The following ZSWIM5 variants were observed in gnomAD, a reference collection of about 807,000 sequenced individuals.
The protein encoded by ZSWIM5 is zinc finger SWIM domain-containing protein 5.
In ZSWIM5, 55 loss-of-function variants were observed where a neutral mutation model predicts 119.6. The observed-to-expected ratio is 0.46, with a 90% CI of 0.37 to 0.58. The LOEUF is 0.58. ZSWIM5 is among the 20% of genes least tolerant of loss of function. The pLI is 0.00. For synonymous variants in ZSWIM5, 537 were observed against 606.9 expected (o/e 0.88, Z 1.69); for missense variants, 1,193 against 1,512.8 (o/e 0.79, Z 3.51).
chr1:45,156,234 C>T (rs1415850231), intron 1 of ZSWIM5, among the ~76,000 whole-genome samples: 1 of 151,816 alleles, frequency 6.6e-6, no homozygotes, highest in Non-Finnish European at 1.5e-5. Context: ...GGGAACTAAA[C>T]ACTGGATACA....
chr1:45,181,174 T>A (rs565961809), intron 1 of ZSWIM5, among the ~76,000 whole-genome samples: 1 of 152,026 alleles, frequency 6.6e-6, no homozygotes, highest in Non-Finnish European at 1.5e-5. Context: ...GCAAAGAAGT[T>A]GAAAACCTTG....
rs760357379 is a variant in ZSWIM5, at chr1:45,019,309, C to T, written c.2703G>A (p.Arg901=). Residue 901 remains arginine, a synonymous_variant, in exon 14 of 14, where the codon CGG becomes CGA. Transcript: ENST00000359600. This position sits in a 1 kb window ranked among gnomAD's most constrained non-coding sequence, Gnocchi z 5.0. ...AGCTCTGCAAGATGCTCACCAGGGC[C>T]CGCACACCTGTCAGGGGGAGCCTGA... ...LVTCATEVGV[R]ALVSILQSWY... 1.9e-6 allele frequency: 3 copies of T among 1,608,958 alleles called. No individual in the cohort carries two copies. Among genetic ancestry groups the T allele is most frequent in the Non-Finnish European group, 1.7e-6 (2 of 1,178,724 alleles).
intron 1 of ZSWIM5, among the ~76,000 whole-genome samples, chr1:45,108,984 A>G (rs1645497903): frequency 6.6e-6 from 1 of 152,176 alleles, no homozygotes; most frequent in African/African-American, 2.4e-5. Context: ...TTATTTAAAG[A>G]TTTCATATCC....
intron 4 of ZSWIM5, among the ~76,000 whole-genome samples, chr1:45,053,809 A>C (rs2148998295): frequency 6.6e-6 from 1 of 150,528 alleles, no homozygotes; most frequent in African/African-American, 2.4e-5. Flanking sequence ...GAGCACAAGT[A>C]CTTTCACCTA....
At chr1:45,082,725 C>A (rs574413578) in intron 2 of ZSWIM5, among the ~76,000 whole-genome samples, 2 of 152,286 alleles carry the variant, frequency 1.3e-5, no homozygotes, top group South Asian at 4.1e-4. Flanking sequence ...CTGGGGAAGG[C>A]TGAGAATCAC....
chr1:45,084,857 G>A (rs896601212), intron 2 of ZSWIM5, among the ~76,000 whole-genome samples: 1 of 152,244 alleles, frequency 6.6e-6, no homozygotes, highest in Non-Finnish European at 1.5e-5. Context: ...TTTTCCAGGT[G>A]CACAGTATAA....
intron 1 of ZSWIM5, among the ~76,000 whole-genome samples, chr1:45,169,030 C>T (rs942364836): frequency 1.3e-5 from 2 of 152,116 alleles, no homozygotes; most frequent in Admixed American, 1.3e-4. Flanking sequence ...ATATACAAAA[C>T]TCTTGATAAT....
intron 5 of ZSWIM5, among the ~76,000 whole-genome samples, chr1:45,044,790 AAT>A (rs1202407220): frequency 0.034 from 23 of 680 alleles, 2 homozygotes; most frequent in African/African-American, 0.059. Context: ...TATATATATA[AAT>A]ATATATATAT....
intron 1 of ZSWIM5, among the ~76,000 whole-genome samples, chr1:45,104,174 AG>A (rs1645456022): frequency 6.6e-6 from 1 of 152,160 alleles, no homozygotes; most frequent in Non-Finnish European, 1.5e-5. Flanking sequence ...GCAGAAGTAA[AG>A]CAGCCACTCT....
intron 2 of ZSWIM5, among the ~76,000 whole-genome samples, chr1:45,066,160 G>C (rs1436883245): frequency 2.0e-5 from 3 of 151,494 alleles, no homozygotes; most frequent in African/African-American, 7.3e-5. Context: ...ATGGTTTCCA[G>C]TTTCATCCAT....
rs764443028 is a variant in ZSWIM5, at chr1:45,080,572, T to C, written c.952+7309A>G. On this transcript the variant is annotated intron_variant, in intron 2 of 13. Coordinates refer to ENST00000359600, the MANE Select transcript of ZSWIM5 (RefSeq NM_020883.2). ...TTCCTCAGTGCCTCTTTTAGCAATA[T>C]GAAGTTAAAACCAGATATTGTGAGT... is the stretch of plus-strand genomic sequence containing the variant. 5.3e-5 allele frequency among the ~76,000 whole-genome samples: 8 copies of C among 152,318 alleles called. No individual in the cohort carries two copies. In the South Asian group the frequency reaches 1.0e-3, roughly 20 times the overall value.
Position 45,182,359 on chromosome 1 carries a change from G to A in ZSWIM5, c.595+23397C>T, listed in dbSNP as rs534951470. 8.4e-3 allele frequency among the ~76,000 whole-genome samples: 1,266 copies of A among 150,470 alleles called. 21 individuals are homozygous for A. Among genetic ancestry groups the A allele is most frequent in the African/African-American group, 0.028 (1,131 of 40,400 alleles). ...GCGGAGCTTGCAGTGAGCGGAGATC[G>A]CGCCACAGCACTCCCGCCTGGGCGA... On this transcript the variant is annotated intron_variant, in intron 1 of 13. Transcript: ENST00000359600.
At chr1:45,167,138 G>T (rs1388328088) in intron 1 of ZSWIM5, among the ~76,000 whole-genome samples, 2 of 151,912 alleles carry the variant, frequency 1.3e-5, no homozygotes, top group Non-Finnish European at 2.9e-5. Context: ...TAGACCCATG[G>T]AACAGAACAG....
At chr1:45,167,036 C>T (rs910016621) in intron 1 of ZSWIM5, among the ~76,000 whole-genome samples, 55 of 152,094 alleles carry the variant, frequency 3.6e-4, no homozygotes, top group Non-Finnish European at 6.0e-4. Context: ...GCCAAAAGAA[C>T]AAAGCTGGAG....
intron 2 of ZSWIM5, among the ~76,000 whole-genome samples, chr1:45,078,318 T>C (rs1645267500): frequency 6.6e-6 from 1 of 152,186 alleles, no homozygotes; most frequent in Non-Finnish European, 1.5e-5. Context: ...CTGTCCTTCT[T>C]GGGAAGGCTT....
intron 2 of ZSWIM5, among the ~76,000 whole-genome samples, chr1:45,075,403 G>A (rs142019550): frequency 0.021 from 3,128 of 152,126 alleles, 126 homozygotes; most frequent in African/African-American, 0.072. Flanking sequence ...GGGTGTATAT[G>A]TATTTACAAT....
At chr1:45,187,803 C>T (rs954484080) in intron 1 of ZSWIM5, among the ~76,000 whole-genome samples, 2 of 151,888 alleles carry the variant, frequency 1.3e-5, no homozygotes, top group African/African-American at 4.8e-5. Context: ...ACATTTTTTT[C>T]CAAAGAAGTT....
At position 45,018,326 on chromosome 1, in the gene ZSWIM5, T is replaced by C; in HGVS notation, c.*128A>G. ...GCTGGACTTTCCCCATCCTTAGCCC[T>C]GTGGTCCTTTGGCCTCATCCACAGG... On this transcript the variant is annotated 3_prime_UTR_variant, in exon 14 of 14. Coordinates refer to ENST00000359600, the MANE Select transcript of ZSWIM5 (RefSeq NM_020883.2). The surrounding 1 kb of genome is among the most constrained non-coding windows in gnomAD (Gnocchi z 6.7). 1 of 1,173,168 alleles carries C rather than the reference T, an allele frequency of 8.5e-7. No individual in the cohort carries two copies. The highest frequency in any genetic ancestry group is 1.5e-5 in the African/African-American group (1 of 65,366). 72.7% of individuals were successfully genotyped at this position (1,173,168 alleles called of 1,614,324 possible).
chr1:45,192,441 G>C (rs1350809081), intron 1 of ZSWIM5, among the ~76,000 whole-genome samples: 1 of 152,182 alleles, frequency 6.6e-6, no homozygotes, highest in Non-Finnish European at 1.5e-5. Context: ...CCATGTTGTA[G>C]CATGTATTAG....
Sources: gnomAD v4.1 joint callset for allele counts (sites outside exome capture counted in the v4.1 genomes callset) on GRCh38, gnomAD v4.1.1 for gene constraint, Gnocchi (gnomAD v3.1) non-coding constraint, MANE v1.5 for transcripts, NCBI Gene and HGNC (gene_info 2026-07-23, HGNC 2026-07-21) for gene names.